RNGTT: variants seen among roughly 807,000 people sequenced by gnomAD.
RNGTT encodes mRNA-capping enzyme.
RNGTT carries 33 observed loss-of-function variants against 79.3 expected under a neutral mutation model. The observed-to-expected ratio is 0.42, with a 90% CI of 0.32 to 0.56. RNGTT has a LOEUF of 0.56. RNGTT is among the 20% of genes least tolerant of loss of function. RNGTT has a pLI of 0.17. For synonymous variants in RNGTT, 222 were observed against 235.9 expected, an observed-to-expected ratio of 0.94 and a Z score of 0.54; for missense variants, 497 against 739.1, an observed-to-expected ratio of 0.67 and a Z score of 3.80.
intron 14 of RNGTT, among the ~76,000 whole-genome samples, chr6:88,676,411 T>C (rs1357541200): frequency 6.6e-6 from 1 of 152,136 alleles, no homozygotes; most frequent in Non-Finnish European, 1.5e-5. Context: ...CAATCCATAC[T>C]TGACTCTTCT....
At chr6:88,709,333 G>T (rs1008636880) in intron 13 of RNGTT, among the ~76,000 whole-genome samples, 2 of 150,468 alleles carry the variant, frequency 1.3e-5, no homozygotes, top group Non-Finnish European at 3.0e-5. Flanking sequence ...ATTAAGAAAA[G>T]AATCTTATGC....
intron 8 of RNGTT, among the ~76,000 whole-genome samples, chr6:88,879,495 T>A (rs896186373): frequency 1.3e-5 from 2 of 152,202 alleles, no homozygotes; most frequent in Non-Finnish European, 2.9e-5. Context: ...AACACGCTAT[T>A]CACAAGTCAC....
intron 12 of RNGTT, among the ~76,000 whole-genome samples, chr6:88,785,772 A>G (rs1779210386): frequency 6.6e-6 from 1 of 152,190 alleles, no homozygotes; most frequent in Admixed American, 6.5e-5. Flanking sequence ...GGCTAATTCC[A>G]ATTTTCATTT....
intron 6 of RNGTT, among the ~76,000 whole-genome samples, 196 bp downstream of exon 6, chr6:88,904,519 G>A (rs1362756353): frequency 2.0e-5 from 3 of 151,742 alleles, no homozygotes; most frequent in Non-Finnish European, 4.4e-5. Flanking sequence ...GGTCAAGGCT[G>A]CCACTGCACT....
chr6:88,763,381 C>A (rs1485015309), intron 13 of RNGTT, among the ~76,000 whole-genome samples: 1 of 151,628 alleles, frequency 6.6e-6, no homozygotes, highest in Non-Finnish European at 1.5e-5. Context: ...GTTTTCATTT[C>A]TCTTGGGTAT....
chr6:88,681,514 A>C (rs1160009219), intron 13 of RNGTT, among the ~76,000 whole-genome samples: 1 of 152,176 alleles, frequency 6.6e-6, no homozygotes, highest in Non-Finnish European at 1.5e-5. Context: ...GCATAAGATA[A>C]TACTTTGAGA....
intron 8 of RNGTT, among the ~76,000 whole-genome samples, chr6:88,886,133 G>A (rs532787490): frequency 4.5e-4 from 68 of 152,182 alleles, no homozygotes; most frequent in South Asian, 1.0e-3. Context: ...TTGAAACTCC[G>A]TCTCTACTAA....
At chr6:88,899,251 A>G (rs1783363122) in intron 6 of RNGTT, among the ~76,000 whole-genome samples, 1 of 151,918 alleles carries the variant, frequency 6.6e-6, no homozygotes, top group South Asian at 2.1e-4. Context: ...CTCCAAAAAG[A>G]GAGAAAGAAG....
rs1415092924 is a variant in RNGTT, at chr6:88,892,033, C to T, written c.685-118G>A. On this transcript the variant is annotated intron_variant, in intron 6 of 15. Transcript: ENST00000369485. Reference sequence around the variant, plus strand: ...TTTGTTCTCACAAATCTTAGCAAGTCAATATATCTAACAGAAACGGTCTGC... The same window carrying T: ...TTTGTTCTCACAAATCTTAGCAAGTTAATATATCTAACAGAAACGGTCTGC... The T allele has an allele frequency of 2.0e-5, 13 of 665,052 alleles. No individual in the cohort carries two copies. In the East Asian group the frequency reaches 3.8e-4, roughly 19 times the overall value. 41.2% of individuals were successfully genotyped at this position (665,052 alleles called of 1,614,324 possible).
chr6:88,757,309 T>C (rs3798775), intron 13 of RNGTT, among the ~76,000 whole-genome samples: 21,075 of 152,082 alleles, frequency 0.14, 1,598 homozygotes, highest in Middle Eastern at 0.24. Flanking sequence ...CAAGCTAGGA[T>C]GAATTTAGGA....
Position 88,767,697 on chromosome 6 carries a change from A to C in RNGTT, c.1439+2077T>G, listed in dbSNP as rs950883480. Among the ~76,000 whole-genome samples, 40 of 149,292 alleles carry C rather than the reference A, an allele frequency of 2.7e-4. 1 individual carries two copies. Among genetic ancestry groups the C allele is most frequent in the African/African-American group, 9.0e-4 (36 of 40,106 alleles). On this transcript the variant is annotated intron_variant, in intron 13 of 15. Coordinates refer to ENST00000369485, the MANE Select transcript of RNGTT (RefSeq NM_003800.5). ...TTGTGTCAAAAAAAAAAAAAAAAAA[A>C]AAAAAAACAGCGTAGCCCCACTAGA...
rs556399223 is a variant in RNGTT, at chr6:88,664,623, G to A, written c.1506+13730C>T. Reference sequence around the variant, plus strand: ...AAAAATACCCAGTCTGACCGTCCACGCTTGCAACGTAACCAGTGCGCCTAT... The same window carrying A: ...AAAAATACCCAGTCTGACCGTCCACACTTGCAACGTAACCAGTGCGCCTAT... On this transcript the variant is annotated intron_variant, in intron 14 of 15. Coordinates refer to ENST00000369485, the MANE Select transcript of RNGTT (RefSeq NM_003800.5). Among the ~76,000 whole-genome samples the A allele has an allele frequency of 6.6e-5, 10 of 152,286 alleles. No homozygotes were observed. The East Asian group carries it at 1.4e-3, about 21-fold the overall frequency.
At chr6:88,632,803 T>A (rs1772951200) in intron 14 of RNGTT, among the ~76,000 whole-genome samples, 1 of 152,176 alleles carries the variant, frequency 6.6e-6, no homozygotes, top group Admixed American at 6.5e-5. Flanking sequence ...TCTAGTATAA[T>A]TCTAATCTTG....
chr6:88,613,773 C>A (rs2236286), intron 15 of RNGTT, among the ~76,000 whole-genome samples: 4 of 152,044 alleles, frequency 2.6e-5, no homozygotes, highest in African/African-American at 9.7e-5. Context: ...TTCTGAATTC[C>A]CAAAGCATTC....
At chr6:88,637,043 T>C (rs988093336) in intron 14 of RNGTT, among the ~76,000 whole-genome samples, 4 of 152,102 alleles carry the variant, frequency 2.6e-5, no homozygotes, top group African/African-American at 9.7e-5. Flanking sequence ...AGCACAGTGC[T>C]CAGAATCTGC....
intron 12 of RNGTT, among the ~76,000 whole-genome samples, chr6:88,771,906 G>A (rs914322299): frequency 1.3e-5 from 2 of 152,252 alleles, no homozygotes; most frequent in African/African-American, 2.4e-5. Flanking sequence ...GGTTAGGCAC[G>A]GTGGCTCACG....
At chr6:88,734,659 G>T (rs778111730) in intron 13 of RNGTT, among the ~76,000 whole-genome samples, 20 of 152,098 alleles carry the variant, frequency 1.3e-4, no homozygotes, top group Non-Finnish European at 2.8e-4. Context: ...CCAAAAGAAG[G>T]TTGGAGTACA....
chr6:88,630,855 G>A (rs1368013010), intron 14 of RNGTT, among the ~76,000 whole-genome samples: 2 of 151,934 alleles, frequency 1.3e-5, no homozygotes, highest in Non-Finnish European at 2.9e-5. Flanking sequence ...CCAACAATGA[G>A]AACAATTATG....
chr6:88,681,455 CTTTG>C (rs1775091072), intron 13 of RNGTT, among the ~76,000 whole-genome samples: 1 of 152,012 alleles, frequency 6.6e-6, no homozygotes, highest in South Asian at 2.1e-4. Context: ...ATATTACCAC[CTTTG>C]TTTGAGTGGA....
Sources: allele counts gnomAD v4.1 joint callset (sites outside exome capture counted in the v4.1 genomes callset), GRCh38; gene constraint gnomAD v4.1.1; transcripts MANE v1.5; gene names NCBI Gene and HGNC (gene_info 2026-07-23, HGNC 2026-07-21).